MOSMO: variants seen among roughly 807,000 people sequenced by gnomAD.
MOSMO encodes modulator of smoothened, also known as modulator of smoothened protein.
MOSMO carries 5 observed loss-of-function variants against 18.4 expected under a neutral mutation model. The observed-to-expected ratio is 0.27, with a 90% CI of 0.14 to 0.57. The LOEUF (loss-of-function observed/expected upper bound fraction) is 0.57. Among genes scored for constraint, MOSMO ranks in the 20% least tolerant of loss-of-function variants. The pLI, the probability that MOSMO is intolerant of heterozygous loss-of-function variation, is 0.92. For synonymous variants in MOSMO, 82 were observed against 82.3 expected, an observed-to-expected ratio of 1.00 and a Z score of 0.02; for missense variants, 138 against 211.8, an observed-to-expected ratio of 0.65 and a Z score of 2.16.
chr16:22,086,201 A>G (rs1184947776), downstream of MOSMO: 2 of 152,224 alleles, frequency 1.3e-5, no homozygotes, highest in Non-Finnish European at 2.9e-5. Context: ...GATACTCATA[A>G]CACAAAAGAA....
In MOSMO at chr16:22,080,793, T is replaced by A; in HGVS notation, c.417T>A (p.Val139=). The A allele has an allele frequency of 6.7e-7, 1 of 1,493,650 alleles. No homozygotes were observed. The highest frequency in any genetic ancestry group is 1.9e-4 in the Middle Eastern group (1 of 5,150). 92.5% of individuals were successfully genotyped at this position (1,493,650 alleles called of 1,614,324 possible). The change falls in exon 3 of 3, where the codon GTT becomes GTA. Residue 139 remains valine (V), a synonymous_variant. Transcript: ENST00000542527. The stretch of plus-strand genomic sequence containing the variant: ...ATAAATTACCCAACAACACAGTAGT[T>A]GGGTCATCATATGTACTTTTTGTCT... ...QPYKLPNNTV[V]GSSYVLFVLS...
rs35642716 is a variant in MOSMO at position 22,056,365 on chromosome 16, CTTTTTTTT to C, written c.107-19104_107-19097del. 4.9e-4 allele frequency among the ~76,000 whole-genome samples: 27 copies of C among 54,636 alleles called. No individual in the cohort carries two copies. The South Asian group carries it at 5.3e-3, about 11-fold the overall frequency. The allele number at this position is 54,636 out of a possible 152,430, so 35.8% of individuals were successfully genotyped here. A position where few individuals can be genotyped will look rare whatever the true frequency, so the allele number is the denominator to read the frequency against. ...CCTTTTCTCCCTCCTTTCTTTCTTT[CTTTTTTTT>C]TTTTTTTTTTTTTTTTTGAGACAGT... is the stretch of plus-strand genomic sequence containing the variant. On this transcript the variant is annotated intron_variant, in intron 1 of 2. Coordinates refer to ENST00000542527, the MANE Select transcript of MOSMO (RefSeq NM_001164579.2).
intron 1 of MOSMO, among the ~76,000 whole-genome samples, chr16:22,025,068 G>A (rs921608661): frequency 3.3e-5 from 5 of 151,528 alleles, no homozygotes; most frequent in East Asian, 1.9e-4. Context: ...CAGAAGGATC[G>A]CTTGAGCCTA....
intron 1 of MOSMO, among the ~76,000 whole-genome samples, chr16:22,012,459 AC>A (rs1296441120): frequency 6.6e-6 from 1 of 152,226 alleles, no homozygotes; most frequent in African/African-American, 2.4e-5. Flanking sequence ...AATAAAAATT[AC>A]ATATTGTTAT....
chr16:22,051,314 G>A (rs1254589044), intron 1 of MOSMO, among the ~76,000 whole-genome samples: 1 of 151,964 alleles, frequency 6.6e-6, no homozygotes, highest in African/African-American at 2.4e-5. Context: ...CTTGAACCTG[G>A]GAGGTAGAAG....
At chr16:22,055,971 A>G (rs1900524269) in intron 1 of MOSMO, among the ~76,000 whole-genome samples, 1 of 152,176 alleles carries the variant, frequency 6.6e-6, no homozygotes, top group South Asian at 2.1e-4. Flanking sequence ...AGCCTTACTG[A>G]CTTGAATAGT....
chr16:22,089,808 T>C (rs1391978596), downstream of MOSMO, among the ~76,000 whole-genome samples: 1 of 152,058 alleles, frequency 6.6e-6, no homozygotes, highest in Non-Finnish European at 1.5e-5. Context: ...ACCCACTTTC[T>C]CTTAGATATT....
At chr16:22,064,285 T>C (rs1333567067) in intron 1 of MOSMO, 1 of 456,346 alleles carries the variant, frequency 2.2e-6, no homozygotes, top group African/African-American at 2.0e-5. Context: ...CCACAGTACT[T>C]TTCTGGCCAC....
intron 1 of MOSMO, among the ~76,000 whole-genome samples, chr16:22,069,980 G>A (rs1900816902): frequency 6.6e-6 from 1 of 152,136 alleles, no homozygotes; most frequent in Non-Finnish European, 1.5e-5. Context: ...AGAAGGGGAG[G>A]ATGGGATCCA....
intron 1 of MOSMO, among the ~76,000 whole-genome samples, chr16:22,008,745 TA>T (rs71151659): frequency 0.67 from 88,895 of 131,892 alleles, 30,818 homozygotes; most frequent in African/African-American, 0.81. Flanking sequence ...CGTTCTGGAT[TA>T]AAAAAAAAAA....
intron 1 of MOSMO, 81 bp from the exon 2 acceptor site, chr16:22,075,406 G>A: frequency 3.8e-6 from 4 of 1,063,746 alleles, no homozygotes; most frequent in Non-Finnish European, 5.6e-6. Flanking sequence ...TGAGATTTAA[G>A]AACTAAAGGG....
chr16:22,039,688 C>A (rs778760093), intron 1 of MOSMO, among the ~76,000 whole-genome samples: 2 of 152,026 alleles, frequency 1.3e-5, no homozygotes, highest in Non-Finnish European at 2.9e-5. Context: ...AATTCATGAG[C>A]CAGGAGATAA....
At chr16:22,066,844 A>G (rs1397982839) in intron 1 of MOSMO, among the ~76,000 whole-genome samples, 1 of 152,236 alleles carries the variant, frequency 6.6e-6, no homozygotes, top group Non-Finnish European at 1.5e-5. Flanking sequence ...AAAAATTACA[A>G]GACACACACA....
chr16:22,056,209 A>G (rs1188068886), intron 1 of MOSMO, among the ~76,000 whole-genome samples: 1 of 152,098 alleles, frequency 6.6e-6, no homozygotes, highest in Non-Finnish European at 1.5e-5. Context: ...GACTAGGCTT[A>G]TTTAGTTCTC....
At chr16:22,010,597 A>G (rs1203156976) in intron 1 of MOSMO, among the ~76,000 whole-genome samples, 1 of 152,206 alleles carries the variant, frequency 6.6e-6, no homozygotes, top group Non-Finnish European at 1.5e-5. Flanking sequence ...GAGAAGAAAG[A>G]TAAGTGATAG....
intron 1 of MOSMO, among the ~76,000 whole-genome samples, chr16:22,018,990 G>A (rs897992722): frequency 2.0e-5 from 3 of 152,176 alleles, no homozygotes; most frequent in Non-Finnish European, 4.4e-5. Context: ...CTTTGTGACA[G>A]ATTCTTTTCT....
chr16:22,080,642 T>G (rs1427999345), intron 2 of MOSMO, 54 bp from the exon 3 acceptor site: 5 of 1,229,950 alleles, frequency 4.1e-6, no homozygotes, highest in Non-Finnish European at 5.2e-6. Context: ...TTTTCATTGT[T>G]TTTTGAAATC....
chr16:22,053,249 C>T (rs1164166482), intron 1 of MOSMO, among the ~76,000 whole-genome samples: 2 of 151,958 alleles, frequency 1.3e-5, no homozygotes, highest in African/African-American at 4.8e-5. Context: ...AGGCATGAGC[C>T]ACCGCACACC....
intron 1 of MOSMO, among the ~76,000 whole-genome samples, chr16:22,057,585 A>G (rs796553540): frequency 1.3e-4 from 20 of 152,370 alleles, no homozygotes; most frequent in African/African-American, 4.6e-4. Context: ...CATTCACTTA[A>G]TATTTATTGC....
Sources: allele counts gnomAD v4.1 joint callset (sites outside exome capture counted in the v4.1 genomes callset), GRCh38; gene constraint gnomAD v4.1.1; transcripts MANE v1.5; gene names NCBI Gene and HGNC (gene_info 2026-07-23, HGNC 2026-07-21).